ASTN2: variants seen among roughly 807,000 people sequenced by gnomAD.
ASTN2 encodes astrotactin 2.
Under a neutral mutation model 139.8 loss-of-function variants are expected in ASTN2, and 54 were observed. That is an observed-to-expected ratio of 0.39 (90% CI 0.31 to 0.48). ASTN2 has a LOEUF of 0.48. ASTN2 is among the 20% of genes least tolerant of loss of function. The pLI is 0.95. For synonymous variants in ASTN2, 756 were observed against 719.5 expected (o/e 1.05, Z -0.81); for missense variants, 1,565 against 1,725.1 (o/e 0.91, Z 1.64).
intron 5 of ASTN2, among the ~76,000 whole-genome samples, chr9:117,043,919 AAAAAG>A (rs1564398706): frequency 4.1e-5 from 6 of 147,688 alleles, no homozygotes; most frequent in African/African-American, 1.3e-4. Context: ...AAAAAAAAAA[AAAAAG>A]AAAAGAAAAG....
intron 10 of ASTN2, among the ~76,000 whole-genome samples, chr9:116,925,075 G>T (rs1834716748): frequency 1.3e-5 from 2 of 152,092 alleles, no homozygotes; most frequent in African/African-American, 4.8e-5. Context: ...GAGGTCCAGA[G>T]AGCCAATATT....
At chr9:117,280,225 T>C (rs1019917217) in intron 2 of ASTN2, among the ~76,000 whole-genome samples, 1 of 152,218 alleles carries the variant, frequency 6.6e-6, no homozygotes, top group Non-Finnish European at 1.5e-5. Context: ...ATTGTCCTTA[T>C]CAGTGCATTA....
intron 10 of ASTN2, among the ~76,000 whole-genome samples, chr9:116,908,887 A>G (rs1327375354): frequency 6.6e-6 from 1 of 152,222 alleles, no homozygotes; most frequent in Non-Finnish European, 1.5e-5. Flanking sequence ...CTACTTGTAC[A>G]TCTGGGTGAA....
chr9:116,829,277 C>G (rs73529502), intron 11 of ASTN2, among the ~76,000 whole-genome samples: 4,825 of 150,498 alleles, frequency 0.032, 271 homozygotes, highest in African/African-American at 0.11. Context: ...GCATAGTAAC[C>G]ACAAAACCAT....
intron 6 of ASTN2, among the ~76,000 whole-genome samples, chr9:117,029,482 C>T (rs778176685): frequency 1.3e-5 from 2 of 152,000 alleles, no homozygotes; most frequent in Non-Finnish European, 2.9e-5. Flanking sequence ...TACTTGTGTG[C>T]CCATCGGTGT....
At chr9:117,308,488 C>T (rs1336678375) in intron 1 of ASTN2, among the ~76,000 whole-genome samples, 1 of 152,062 alleles carries the variant, frequency 6.6e-6, no homozygotes, top group Admixed American at 6.5e-5. Flanking sequence ...TTTAAAAACT[C>T]AGGAGAATCT....
At chr9:117,383,421 T>C (rs919700123) in intron 1 of ASTN2, among the ~76,000 whole-genome samples, 3 of 152,200 alleles carry the variant, frequency 2.0e-5, no homozygotes, top group African/African-American at 7.2e-5. Flanking sequence ...CTCAGTTACA[T>C]GAATATATAC....
intron 4 of ASTN2, among the ~76,000 whole-genome samples, chr9:117,108,028 T>C (rs1380949618): frequency 6.6e-6 from 1 of 152,182 alleles, no homozygotes; most frequent in Non-Finnish European, 1.5e-5. Flanking sequence ...GCCTGCTACA[T>C]GTCAAGCAAC....
At chr9:116,911,328 G>A (rs746096385) in intron 10 of ASTN2, among the ~76,000 whole-genome samples, 1 of 152,140 alleles carries the variant, frequency 6.6e-6, no homozygotes, top group Non-Finnish European at 1.5e-5. Flanking sequence ...CCAGATTGAG[G>A]AACATTCTAC....
chr9:116,608,784 ATATC>A (rs1340624364), intron 19 of ASTN2, among the ~76,000 whole-genome samples: 1 of 152,176 alleles, frequency 6.6e-6, no homozygotes, highest in African/African-American at 2.4e-5. Flanking sequence ...AGAAGGAAAA[ATATC>A]AATCAATTTA....
At chr9:116,664,477 C>T (rs1414711976) in intron 16 of ASTN2, among the ~76,000 whole-genome samples, 2 of 149,750 alleles carry the variant, frequency 1.3e-5, no homozygotes, top group East Asian at 2.0e-4. Flanking sequence ...TTAGGAAACA[C>T]TGACAGGTTA....
chr9:117,214,300 C>A, intron 3 of ASTN2, 58 bp downstream of exon 3: 2 of 1,521,116 alleles, frequency 1.3e-6, no homozygotes, highest in Non-Finnish European at 1.8e-6. Flanking sequence ...GCTTCTGCAC[C>A]TCTTCCCATC....
chr9:117,142,019 G>C (rs545130383), intron 3 of ASTN2, among the ~76,000 whole-genome samples: 1 of 152,144 alleles, frequency 6.6e-6, no homozygotes, highest in African/African-American at 2.4e-5. Flanking sequence ...AGAAGACAGC[G>C]TCCTGGATGG....
chr9:116,924,066 C>T (rs1834686058), intron 10 of ASTN2, among the ~76,000 whole-genome samples: 1 of 151,860 alleles, frequency 6.6e-6, no homozygotes, highest in Non-Finnish European at 1.5e-5. Flanking sequence ...AAGGTGAATC[C>T]GTAAAGCAAA....
intron 6 of ASTN2, 122 bp from the exon 7 acceptor site, chr9:117,008,381 G>T: frequency 1.2e-6 from 1 of 863,402 alleles, no homozygotes; most frequent in Non-Finnish European, 1.7e-6. Flanking sequence ...ATTTGTCTAA[G>T]TGCACTTGCA....
At chr9:116,878,290 A>G (rs1443178645) in intron 10 of ASTN2, among the ~76,000 whole-genome samples, 4 of 152,202 alleles carry the variant, frequency 2.6e-5, no homozygotes, top group Admixed American at 6.5e-5. Flanking sequence ...AATAGCAAAA[A>G]CATGAAATCA....
At chr9:117,085,514 G>A (rs577171216) in intron 5 of ASTN2, among the ~76,000 whole-genome samples, 1 of 152,340 alleles carries the variant, frequency 6.6e-6, no homozygotes, top group Non-Finnish European at 1.5e-5. Flanking sequence ...TCCCTGCACA[G>A]CACTGGAAGT....
chr9:117,250,884 G>A (rs1271597192), intron 2 of ASTN2, among the ~76,000 whole-genome samples: 2 of 152,180 alleles, frequency 1.3e-5, no homozygotes, highest in Non-Finnish European at 2.9e-5. Flanking sequence ...ATATCTGAAG[G>A]TTGAGTTGGA....
At chr9:116,697,278 C>T (rs1283570930) in intron 16 of ASTN2, 1 of 167,836 alleles carries the variant, frequency 6.0e-6, no homozygotes, top group African/African-American at 2.4e-5. Context: ...TATACTACTT[C>T]CCTGGTGCTA....
Sources: gnomAD v4.1 joint callset for allele counts (sites outside exome capture counted in the v4.1 genomes callset) on GRCh38, gnomAD v4.1.1 for gene constraint, MANE v1.5 for transcripts, NCBI Gene and HGNC (gene_info 2026-07-23, HGNC 2026-07-21) for gene names.